MBNL2: variants seen among roughly 807,000 people sequenced by gnomAD.
MBNL2 encodes the protein muscleblind like splicing regulator 2.
A neutral mutation model predicts 41.9 loss-of-function variants in MBNL2; 17 were observed. That is an observed-to-expected ratio of 0.41 (90% CI 0.28 to 0.61). The LOEUF (loss-of-function observed/expected upper bound fraction) is 0.61. MBNL2 is among the 20% of genes least tolerant of loss of function. The pLI is 0.35. For synonymous variants in MBNL2, 195 were observed against 182.9 expected (o/e 1.07, Z -0.53); for missense variants, 336 against 505.6 (o/e 0.66, Z 3.22).
the MBNL2 span, among the ~76,000 whole-genome samples, chr13:97,176,196 A>T: frequency 6.6e-6 from 1 of 152,204 alleles, no homozygotes; most frequent in Admixed American, 6.5e-5. Flanking sequence ...AAGAATGCTC[A>T]TCAAAGAAAC....
At chr13:97,182,211 T>C in the MBNL2 span, among the ~76,000 whole-genome samples, 1 of 152,116 alleles carries the variant, frequency 6.6e-6, no homozygotes, top group Non-Finnish European at 1.5e-5. Flanking sequence ...CAATACCTTA[T>C]ATACTGATGA....
intron 5 of MBNL2, among the ~76,000 whole-genome samples, chr13:97,353,227 A>C (rs1008752955): frequency 4.6e-5 from 7 of 152,338 alleles, no homozygotes; most frequent in South Asian, 2.1e-4. Flanking sequence ...AAAGGAATGT[A>C]GTTTCAGAAC....
chr13:97,184,930 T>C, the MBNL2 span, among the ~76,000 whole-genome samples: 1 of 152,236 alleles, frequency 6.6e-6, no homozygotes, highest in Non-Finnish European at 1.5e-5. Flanking sequence ...TGTAGAATGC[T>C]TGAGAATTAG....
the MBNL2 span, among the ~76,000 whole-genome samples, chr13:97,185,976 C>G: frequency 6.6e-6 from 1 of 152,334 alleles, no homozygotes; most frequent in East Asian, 1.9e-4. Flanking sequence ...CTACTTATGG[C>G]CCATGCCTGG....
At chr13:97,252,096 C>T (rs552750331) in intron 1 of MBNL2, among the ~76,000 whole-genome samples, 79 of 151,330 alleles carry the variant, frequency 5.2e-4, no homozygotes, top group Middle Eastern at 3.5e-3. Flanking sequence ...ATGATCCACC[C>T]GCCTCGGCCT....
At chr13:97,182,673 C>T in the MBNL2 span, among the ~76,000 whole-genome samples, 1 of 152,146 alleles carries the variant, frequency 6.6e-6, no homozygotes, top group Non-Finnish European at 1.5e-5. Flanking sequence ...AGTTAACTTT[C>T]AGACATTTTT....
At chr13:97,251,425 C>T (rs1490664850) in intron 1 of MBNL2, among the ~76,000 whole-genome samples, 2 of 151,898 alleles carry the variant, frequency 1.3e-5, no homozygotes, top group African/African-American at 4.8e-5. Flanking sequence ...AAGAAAAAGA[C>T]ATAGCTGATA....
In MBNL2 at chr13:97,357,586, G is replaced by A. The variant is rs1566438948; in HGVS notation, c.963G>A (p.Gln321=). The A allele has an allele frequency of 2.5e-6, 4 of 1,614,094 alleles. No homozygotes were observed. Among genetic ancestry groups the A allele is most frequent in the Non-Finnish European group, 3.4e-6 (4 of 1,179,992 alleles). The change falls in exon 7 of 9, where the codon CAG becomes CAA. Residue 321 remains glutamine (Q), a synonymous_variant. Coordinates refer to ENST00000679496, the MANE Select transcript of MBNL2 (RefSeq NM_001382683.1). ...ACCCCAGCGTCTTGCACTACCAGCAGGCTCTCACCAGCGCACAGTTGCAGC... is the reference window on the plus strand; with the variant it reads ...ACCCCAGCGTCTTGCACTACCAGCAAGCTCTCACCAGCGCACAGTTGCAGC... ...VFNPSVLHYQ[Q]ALTSAQLQQH...
At chr13:97,192,449 G>A in the MBNL2 span, among the ~76,000 whole-genome samples, 1 of 152,132 alleles carries the variant, frequency 6.6e-6, no homozygotes, top group African/African-American at 2.4e-5. Flanking sequence ...TTGAAGGCTG[G>A]GCTAACACCA....
chr13:97,286,609 AG>A (rs1409388863), intron 2 of MBNL2, among the ~76,000 whole-genome samples: 2 of 152,010 alleles, frequency 1.3e-5, no homozygotes, highest in Non-Finnish European at 2.9e-5. Flanking sequence ...AAGTCCCTTA[AG>A]GACCTATGTG....
chr13:97,170,197 T>C, the MBNL2 span, among the ~76,000 whole-genome samples: 114 of 152,348 alleles, frequency 7.5e-4, no homozygotes, highest in Non-Finnish European at 9.7e-4. Flanking sequence ...ACAAGAATTA[T>C]ATGTAAGCTT....
chr13:97,325,432 T>G (rs545339252), intron 2 of MBNL2, among the ~76,000 whole-genome samples: 1 of 152,198 alleles, frequency 6.6e-6, no homozygotes, highest in Non-Finnish European at 1.5e-5. Context: ...CCAAAATGCA[T>G]TTAAAATTTT....
intron 7 of MBNL2, chr13:97,362,998 A>C (rs1383236027): frequency 2.6e-5 from 4 of 152,162 alleles, no homozygotes; most frequent in African/African-American, 9.7e-5. Flanking sequence ...GCATCTTCTG[A>C]GGTGTAGAAA....
the MBNL2 span, among the ~76,000 whole-genome samples, chr13:97,150,510 A>G: frequency 2.0e-5 from 3 of 152,240 alleles, no homozygotes; most frequent in Admixed American, 1.3e-4. Context: ...AATTTCAGGA[A>G]GTTAAAGAGT....
chr13:97,253,975 C>T (rs1466481503), intron 1 of MBNL2, among the ~76,000 whole-genome samples: 3 of 152,038 alleles, frequency 2.0e-5, no homozygotes, highest in South Asian at 2.1e-4. Context: ...CTGCAACCTC[C>T]GCCTCCTGGG....
chr13:97,284,342 C>T (rs1343396602), intron 2 of MBNL2, among the ~76,000 whole-genome samples: 1 of 152,100 alleles, frequency 6.6e-6, no homozygotes, highest in Admixed American at 6.6e-5. Flanking sequence ...CTTTTGGTAG[C>T]GCTGTGTGTT....
chr13:97,293,444 A>G (rs1035231857), intron 2 of MBNL2, among the ~76,000 whole-genome samples: 6 of 152,214 alleles, frequency 3.9e-5, no homozygotes, highest in African/African-American at 1.4e-4. Flanking sequence ...TTTGGTGCAG[A>G]TGATGATCAA....
the MBNL2 span, among the ~76,000 whole-genome samples, chr13:97,154,935 G>A: frequency 2.0e-5 from 3 of 152,034 alleles, no homozygotes; most frequent in African/African-American, 7.2e-5. Flanking sequence ...TAGTATTGAG[G>A]AGGCGATGCT....
the MBNL2 span, among the ~76,000 whole-genome samples, chr13:97,177,629 A>G: frequency 2.6e-5 from 4 of 152,250 alleles, no homozygotes; most frequent in Non-Finnish European, 4.4e-5. Context: ...GAAGAAAATC[A>G]TCAAACAAAT....
Sources: gnomAD v4.1 joint callset for allele counts (sites outside exome capture counted in the v4.1 genomes callset) on GRCh38, gnomAD v4.1.1 for gene constraint, MANE v1.5 for transcripts, NCBI Gene and HGNC (gene_info 2026-07-23, HGNC 2026-07-21) for gene names.